Variants in HNF1A observed in about 807,000 individuals in gnomAD.
The protein encoded by HNF1A is hepatocyte nuclear factor 1-alpha.
Under a neutral mutation model 62.2 loss-of-function variants are expected in HNF1A, and 21 were observed. That is an observed-to-expected ratio of 0.34 (90% CI 0.24 to 0.49). The LOEUF is 0.49. HNF1A is among the 20% of genes least tolerant of loss of function. The pLI, the probability that HNF1A is intolerant of heterozygous loss-of-function variation, is 0.99. For missense variants in HNF1A, 687 were observed against 832.3 expected, an observed-to-expected ratio of 0.83 and a Z score of 2.15; for synonymous variants, 374 against 366.8, an observed-to-expected ratio of 1.02 and a Z score of -0.22.
intron 1 of HNF1A, among the ~76,000 whole-genome samples, chr12:120,985,588 A>G (rs1389022882): frequency 6.6e-6 from 1 of 151,750 alleles, no homozygotes; most frequent in Admixed American, 6.6e-5. Flanking sequence ...GGGAGAACCA[A>G]TTGAGCCCAG....
intron 4 of HNF1A, among the ~76,000 whole-genome samples, chr12:120,994,919 C>T (rs1350533273): frequency 6.6e-6 from 1 of 151,516 alleles, no homozygotes; most frequent in Non-Finnish European, 1.5e-5. Flanking sequence ...CTACTACATT[C>T]AACTCCACTC....
Position 120,993,697 on chromosome 12 carries a change from A to G in HNF1A, c.704A>G (p.Glu235Gly), listed in dbSNP as rs1593058338. 1 of 1,613,896 alleles carries G rather than the reference A, an allele frequency of 6.2e-7. No homozygotes were observed. The highest frequency in any genetic ancestry group is 8.5e-7 in the Non-Finnish European group (1 of 1,179,996). The change falls in exon 3 of 10, where the codon GAG (glutamate) becomes GGG (glycine). Residue 235 changes from glutamate (E) to glycine (G), a missense_variant. Physicochemically the swap from Glu to Gly is moderately conservative, Grantham distance 98. Around this residue, in one of 5 missense-constraint regions of HNF1A, gnomAD observed 47 missense variants for 109.4 expected, o/e 0.43. Transcript: ENST00000257555. ...GAGGAGCGAGAGACGCTAGTGGAGGAGTGCAATAGGTACAACGGCGGGCGG... is the reference window on the plus strand; with the variant it reads ...GAGGAGCGAGAGACGCTAGTGGAGGGGTGCAATAGGTACAACGGCGGGCGG... ...SKEERETLVE[E>G]CNRAECIQRG...
rs2135845285 is a variant in HNF1A, at chr12:120,996,363, C to T, written c.1057C>T (p.Pro353Ser). The change falls in exon 5 of 10, where the codon CCC becomes TCC. Residue 353 changes from proline (P) to serine (S), a missense_variant. By Grantham distance (74) the Pro-to-Ser change is moderately conservative. This residue lies in a region of HNF1A where 408 missense variants were observed against 455.3 expected (regional missense o/e 0.90). Transcript: ENST00000257555. This position sits in a 1 kb window ranked among gnomAD's most constrained non-coding sequence, Gnocchi z 4.5. The stretch of plus-strand genomic sequence containing the variant: ...GTCTACACCCCTCCACCAAGTGTCC[C>T]CCACGGGCCTGGAGCCCAGCCACAG... ...TVSTPLHQVS[P>S]TGLEPSHSLL... is the part of the protein sequence containing the mutation. The T allele has an allele frequency of 6.2e-7, 1 of 1,614,178 alleles. No homozygotes were observed. Among genetic ancestry groups the T allele is most frequent in the Non-Finnish European group, 8.5e-7 (1 of 1,180,022 alleles).
chr12:120,996,846 A>ATTC lies in HNF1A; in HGVS notation c.1309+104_1309+105insTTC, dbSNP rs772462950. ...CTGGGACTCATTCATTCATTCATAC[A>ATTC]ACATGTATTTATCCAGTGCCTACTC... On this transcript the variant is annotated intron_variant, in intron 6 of 9. Coordinates refer to ENST00000257555, the MANE Select transcript of HNF1A (RefSeq NM_000545.8). The surrounding 1 kb of genome is among the most constrained non-coding windows in gnomAD (Gnocchi z 4.5). 3.2e-6 allele frequency: 5 copies of ATTC among 1,555,142 alleles called. No individual in the cohort carries two copies. The highest frequency in any genetic ancestry group is 4.3e-6 in the Non-Finnish European group (5 of 1,149,432).
At chr12:120,982,588 G>A (rs780346262) in intron 1 of HNF1A, among the ~76,000 whole-genome samples, 1 of 152,184 alleles carries the variant, frequency 6.6e-6, no homozygotes, top group Non-Finnish European at 1.5e-5. Flanking sequence ...CGTCTGCAGG[G>A]TAGAGATGAC....
chr12:120,987,332 G>A (rs1327598035), intron 1 of HNF1A, among the ~76,000 whole-genome samples: 47 of 151,838 alleles, frequency 3.1e-4, no homozygotes, highest in Admixed American at 2.0e-3. Flanking sequence ...AAAATTAGCC[G>A]GGCGTGGTGG....
intron 1 of HNF1A, among the ~76,000 whole-genome samples, chr12:120,984,777 G>T (rs986707225): frequency 6.6e-6 from 1 of 151,930 alleles, no homozygotes; most frequent in Non-Finnish European, 1.5e-5. Flanking sequence ...ATATTTTTGA[G>T]TCCCAACTAG....
chr12:120,983,950 T>TGTGTGTGTGTGTGTG (rs1382795865), intron 1 of HNF1A, among the ~76,000 whole-genome samples: 160 of 54,938 alleles, frequency 2.9e-3, no homozygotes, highest in East Asian at 0.026. Context: ...GTGTGTGTGT[T>TGTGTGTGTGTGTGTG]TGTGTAAGAG....
At position 120,979,136 on chromosome 12, in the gene HNF1A, A is replaced by AG. The variant is rs771474980; in HGVS notation, c.326+46dup. 6 of 1,556,220 alleles carry AG rather than the reference A, an allele frequency of 3.9e-6. No individual in the cohort carries two copies. The South Asian group carries it at 4.7e-5, about 12-fold the overall frequency. On this transcript the variant is annotated intron_variant, in intron 1 of 9. Transcript: ENST00000257555. ...CGTCCCCGCTCCCAGGAGAGCCTAG[A>AG]GGGGCCCCCCTCAGCTCCTAACGAG...
rs1225119708 is a variant in HNF1A, at chr12:120,996,559, C to T, written c.1126C>T (p.Pro376Ser). ...CTCGTAGGTCTCAGCAGCTGGGGGCCCCCTCCCCCCTGTCAGCACCCTGAC... is the reference window on the plus strand; with the variant it reads ...CTCGTAGGTCTCAGCAGCTGGGGGCTCCCTCCCCCCTGTCAGCACCCTGAC... The part of the protein sequence containing the change: ...EAKLVSAAGG[P>S]LPPVSTLTAL... Residue 376 changes from proline to serine, a missense_variant, in exon 6 of 10, where the codon CCC (proline) becomes TCC (serine). Pro to Ser is a moderately conservative substitution (Grantham distance 74). Around this residue, in one of 5 missense-constraint regions of HNF1A, gnomAD observed 408 missense variants for 455.3 expected, o/e 0.90. Coordinates refer to ENST00000257555, the MANE Select transcript of HNF1A (RefSeq NM_000545.8). The surrounding 1 kb of genome is among the most constrained non-coding windows in gnomAD (Gnocchi z 4.5). 24 of 1,613,686 alleles carry T rather than the reference C, an allele frequency of 1.5e-5. No homozygotes were observed. The highest frequency in any genetic ancestry group is 2.0e-5 in the Non-Finnish European group (24 of 1,179,962).
At chr12:121,000,614 C>A in intron 9 of HNF1A, 1 of 234,002 alleles carries the variant, frequency 4.3e-6, no homozygotes, top group Non-Finnish European at 8.6e-6. Flanking sequence ...GGCAGAATTC[C>A]TTCTCTGGGA....
intron 1 of HNF1A, among the ~76,000 whole-genome samples, chr12:120,987,651 A>C (rs572338856): frequency 1.3e-4 from 19 of 151,874 alleles, no homozygotes; most frequent in South Asian, 4.2e-4. Flanking sequence ...ACTGAGGCCC[A>C]CAGAATTTGC....
In HNF1A at chr12:120,996,244, C is replaced by T; in HGVS notation, c.956-18C>T. The stretch of plus-strand genomic sequence containing the variant: ...AGGGAAGTGGGGTGCTGAGGCAGGA[C>T]ACTGCTTCCCTCTCCAGGTGTGCGC... On this transcript the variant is annotated intron_variant, in intron 4 of 9. Transcript: ENST00000257555. The surrounding 1 kb of genome is among the most constrained non-coding windows in gnomAD (Gnocchi z 4.5). 1 of 1,613,652 alleles carries T rather than the reference C, an allele frequency of 6.2e-7. No homozygotes were observed. The highest frequency in any genetic ancestry group is 8.5e-7 in the Non-Finnish European group (1 of 1,179,982).
At chr12:120,984,727 G>A (rs966991783) in intron 1 of HNF1A, among the ~76,000 whole-genome samples, 1 of 152,008 alleles carries the variant, frequency 6.6e-6, no homozygotes, top group Non-Finnish European at 1.5e-5. Flanking sequence ...GAGAAGCTGG[G>A]GAGAGGCCTG....
Position 120,978,928 on chromosome 12 carries a change from C to A in HNF1A, c.160C>A (p.Arg54=). 6.2e-7 allele frequency: 1 copy of A among 1,610,494 alleles called. No individual in the cohort carries two copies. The highest frequency in any genetic ancestry group is 8.5e-7 in the Non-Finnish European group (1 of 1,178,478). ...LDKGESCGGG[R]GELAELPNGL... ...CAAGGGGGAGTCCTGCGGCGGCGGT[C>A]GAGGGGAGCTGGCTGAGCTGCCCAA... The change falls in exon 1 of 10, where the codon CGA becomes AGA. Residue 54 remains arginine (R), a synonymous_variant. Transcript: ENST00000257555.
chr12:120,990,087 T>A (rs1022716748), intron 2 of HNF1A, among the ~76,000 whole-genome samples: 2 of 152,194 alleles, frequency 1.3e-5, no homozygotes, highest in African/African-American at 4.8e-5. Flanking sequence ...CCTCCATCTA[T>A]GTGTGACATT....
intron 2 of HNF1A, 117 bp from the exon 3 acceptor site, chr12:120,993,403 T>C: frequency 2.1e-6 from 2 of 968,870 alleles, no homozygotes; most frequent in South Asian, 1.4e-5. Flanking sequence ...GTTCTAGCTG[T>C]AAGCTCCTCT....
chr12:120,994,435 T>A (rs2135842912), intron 4 of HNF1A, 30 bp downstream of exon 4: 1 of 1,570,466 alleles, frequency 6.4e-7, no homozygotes, highest in Non-Finnish European at 8.7e-7. Flanking sequence ...AAGGGACACG[T>A]GGGAAGGTGG....
chr12:120,998,590 C>T lies in HNF1A; in HGVS notation c.1502-678C>T, dbSNP rs112829953. Among the ~76,000 whole-genome samples the T allele has an allele frequency of 1.9e-4, 29 of 151,866 alleles. 2 individuals are homozygous for T. Among genetic ancestry groups the T allele is most frequent in the East Asian group, 9.7e-4 (5 of 5,164 alleles). On this transcript the variant is annotated intron_variant, in intron 7 of 9. Transcript: ENST00000257555. Reference sequence around the variant, plus strand: ...GTGTGTACATGGTTGAGAGTGTATGCGTGTGTGTGTGTTACATTTTTATCT... The same window carrying T: ...GTGTGTACATGGTTGAGAGTGTATGTGTGTGTGTGTGTTACATTTTTATCT...
Sources: allele counts gnomAD v4.1 joint callset (sites outside exome capture counted in the v4.1 genomes callset), GRCh38; gene constraint gnomAD v4.1.1; regional missense constraint gnomAD v4.1.1; non-coding constraint Gnocchi (gnomAD v3.1); transcripts MANE v1.5; gene names NCBI Gene and HGNC (gene_info 2026-07-23, HGNC 2026-07-21).